Variants in GFOD1 observed in about 807,000 individuals in gnomAD.
The protein encoded by GFOD1 is glucose-fructose oxidoreductase domain-containing protein 1.
A neutral mutation model predicts 25.4 loss-of-function variants in GFOD1; 9 were observed. That is an observed-to-expected ratio of 0.35 (90% CI 0.21 to 0.62). GFOD1 has a LOEUF of 0.62. Among genes scored for constraint, GFOD1 ranks in the 20% least tolerant of loss-of-function variants. The probability of loss-of-function intolerance (pLI) is 0.72; values close to 1 mark genes in which losing one functional copy is unlikely to be tolerated. For synonymous variants in GFOD1, 253 were observed against 245.6 expected (o/e 1.03, Z -0.28); for missense variants, 403 against 556.9 (o/e 0.72, Z 2.78).
chr6:13,481,223 G>A (rs751715827), intron 1 of GFOD1, among the ~76,000 whole-genome samples: 2 of 152,216 alleles, frequency 1.3e-5, no homozygotes, highest in African/African-American at 2.4e-5. Context: ...TTTCTAATTG[G>A]GAGGGGAGGA....
At chr6:13,425,829 C>T (rs11967747) in intron 1 of GFOD1, among the ~76,000 whole-genome samples, 10,757 of 150,764 alleles carry the variant, frequency 0.071, 1,230 homozygotes, top group African/African-American at 0.24. Flanking sequence ...AAAAATTGTC[C>T]TGGGCCACAC....
chr6:13,482,122 A>C (rs1223526505), intron 1 of GFOD1, among the ~76,000 whole-genome samples: 1 of 148,952 alleles, frequency 6.7e-6, no homozygotes, highest in Non-Finnish European at 1.5e-5. Flanking sequence ...TATATATAAA[A>C]ATGTGCATAC....
Sources: gnomAD v4.1 joint callset for allele counts (sites outside exome capture counted in the v4.1 genomes callset) on GRCh38, gnomAD v4.1.1 for gene constraint, MANE v1.5 for transcripts, NCBI Gene and HGNC (gene_info 2026-07-23, HGNC 2026-07-21) for gene names.